STUM: variants seen among roughly 807,000 people sequenced by gnomAD.
STUM encodes the protein protein stum homolog.
STUM carries 8 observed loss-of-function variants against 15.3 expected under a neutral mutation model. The observed-to-expected ratio is 0.52, with a 90% CI of 0.31 to 0.94. STUM has a LOEUF of 0.94. Among genes scored for constraint, STUM ranks in the 40% least tolerant of loss-of-function variants. The probability of loss-of-function intolerance (pLI) is 0.05; values close to 1 mark genes in which losing one functional copy is unlikely to be tolerated. For synonymous variants in STUM, 78 were observed against 88.7 expected, an observed-to-expected ratio of 0.88 and a Z score of 0.68; for missense variants, 142 against 204.9, an observed-to-expected ratio of 0.69 and a Z score of 1.87.
At chr1:226,597,270 A>G (rs1432914959) in intron 2 of STUM, 3 of 595,618 alleles carry the variant, frequency 5.0e-6, no homozygotes, top group East Asian at 7.7e-5. Flanking sequence ...AAGGGTTTAA[A>G]GTTACAAAAT....
chr1:226,602,174 A>G lies in STUM; in HGVS notation c.*134A>G. On this transcript the variant is annotated 3_prime_UTR_variant, in exon 4 of 4. Coordinates refer to ENST00000366788, the MANE Select transcript of STUM (RefSeq NM_001003665.4). ...GGGTGGAAAGGGGGTATTTTTAAAA[A>G]TATTATTTATTTTGAAAACGCATCT... 5 of 663,294 alleles carry G rather than the reference A, an allele frequency of 7.5e-6. No individual in the cohort carries two copies. The South Asian group carries it at 9.2e-5, about 12-fold the overall frequency. The allele number at this position is 663,294 out of a possible 1,614,324, so 41.1% of individuals were successfully genotyped here.
At chr1:226,595,330 C>G (rs1668161307) in intron 1 of STUM, among the ~76,000 whole-genome samples, 1 of 152,144 alleles carries the variant, frequency 6.6e-6, no homozygotes, top group Admixed American at 6.5e-5. Flanking sequence ...ATGGCGCCCA[C>G]CTACACTGAG....
intron 1 of STUM, among the ~76,000 whole-genome samples, chr1:226,580,723 T>C (rs541103128): frequency 1.3e-5 from 2 of 152,248 alleles, no homozygotes; most frequent in African/African-American, 4.8e-5. Context: ...CTTTATCACA[T>C]TGACCAGCAA....
At chr1:226,570,985 C>A (rs1361848136) in intron 1 of STUM, among the ~76,000 whole-genome samples, 2 of 152,168 alleles carry the variant, frequency 1.3e-5, no homozygotes, top group African/African-American at 2.4e-5. Context: ...AATCTCAGCA[C>A]TTTTGGAGGC....
intron 1 of STUM, among the ~76,000 whole-genome samples, chr1:226,576,429 GGAGA>G (rs747887018): frequency 6.6e-6 from 1 of 152,206 alleles, no homozygotes; most frequent in Admixed American, 6.5e-5. Flanking sequence ...ATTCATTCGT[GGAGA>G]GATTACATGA....
At chr1:226,559,651 T>A (rs1329724544) in intron 1 of STUM, among the ~76,000 whole-genome samples, 2 of 152,148 alleles carry the variant, frequency 1.3e-5, no homozygotes. Context: ...TGAGATGTGT[T>A]TACATACTAC....
intron 1 of STUM, among the ~76,000 whole-genome samples, chr1:226,589,659 G>A (rs1668053817): frequency 6.6e-6 from 1 of 152,208 alleles, no homozygotes; most frequent in Non-Finnish European, 1.5e-5. Context: ...GATTTTGGTG[G>A]TTGACAATAC....
At chr1:226,573,180 C>T (rs555444376) in intron 1 of STUM, among the ~76,000 whole-genome samples, 4 of 152,344 alleles carry the variant, frequency 2.6e-5, no homozygotes, top group African/African-American at 4.8e-5. Context: ...AGTGGTGCAT[C>T]GGTCTGCCAT....
chr1:226,577,029 C>G (rs549524335), intron 1 of STUM, among the ~76,000 whole-genome samples: 1 of 152,218 alleles, frequency 6.6e-6, no homozygotes, highest in East Asian at 1.9e-4. Flanking sequence ...TACCCCTCTA[C>G]TGCTCACAGC....
intron 1 of STUM, among the ~76,000 whole-genome samples, chr1:226,560,353 G>A (rs1031714421): frequency 1.3e-5 from 2 of 152,304 alleles, no homozygotes; most frequent in Admixed American, 1.3e-4. Flanking sequence ...TTTTGCCGTT[G>A]CTGTCTCCAA....
In STUM at chr1:226,548,945, C is replaced by CGGCGGCGGT. The variant is rs965086579; in HGVS notation, c.50_58dup (p.Val17_Ala19dup). ...AAAGACGCCGAGACGGCGGCGGCGG[C>CGGCGGCGGT]GGCGGCGGTGGCGGCGGCGGACCCC... On this transcript the variant is annotated inframe_insertion, in exon 1 of 4. Transcript: ENST00000366788. The CGGCGGCGGT allele has an allele frequency of 8.2e-6, 12 of 1,456,746 alleles. No homozygotes were observed. Among genetic ancestry groups the CGGCGGCGGT allele is most frequent in the Non-Finnish European group, 9.9e-6 (11 of 1,109,604 alleles). The allele number at this position is 1,456,746 out of a possible 1,614,324, so 90.2% of individuals were successfully genotyped here.
In STUM at chr1:226,603,321, A is replaced by G. The variant is rs1270188744; in HGVS notation, c.*1281A>G. 1 of 152,208 alleles carries G rather than the reference A, an allele frequency of 6.6e-6. No individual in the cohort carries two copies. The highest frequency in any genetic ancestry group is 2.4e-5 in the African/African-American group (1 of 41,454). The allele number at this position is 152,208 out of a possible 1,614,324, so 9.4% of individuals were successfully genotyped here. A position where few individuals can be genotyped will look rare whatever the true frequency, so the allele number is the denominator to read the frequency against. ...CAGGGCTAGATCCCTAATGGGGGCTAGGGGTGGGGAGAATCTAGCAGAAGT... is the reference window on the plus strand; with the variant it reads ...CAGGGCTAGATCCCTAATGGGGGCTGGGGGTGGGGAGAATCTAGCAGAAGT... On this transcript the variant is annotated 3_prime_UTR_variant, in exon 4 of 4. Transcript: ENST00000366788.
chr1:226,568,439 A>G (rs1667655884), intron 1 of STUM, among the ~76,000 whole-genome samples: 1 of 152,232 alleles, frequency 6.6e-6, no homozygotes, highest in Non-Finnish European at 1.5e-5. Flanking sequence ...TGGCAGGGAC[A>G]GCTTCAGGAA....
At chr1:226,593,007 G>A (rs904902465) in intron 1 of STUM, among the ~76,000 whole-genome samples, 4 of 152,192 alleles carry the variant, frequency 2.6e-5, no homozygotes, top group Non-Finnish European at 5.9e-5. Context: ...CCAACATGGG[G>A]AAACCCCGTC....
chr1:226,601,907 A>G (rs373516968), intron 3 of STUM, 99 bp from the exon 4 acceptor site: 2 of 978,790 alleles, frequency 2.0e-6, no homozygotes, highest in Non-Finnish European at 1.6e-6. Context: ...CTTAGTATAA[A>G]CAATGCCTCC....
intron 1 of STUM, among the ~76,000 whole-genome samples, chr1:226,561,174 G>A (rs1284054109): frequency 1.3e-5 from 2 of 152,254 alleles, no homozygotes; most frequent in Admixed American, 6.5e-5. Context: ...TTCTTTGGTT[G>A]TCTTAATCCT....
chr1:226,596,846 G>C lies in STUM; in HGVS notation c.247G>C (p.Asp83His), dbSNP rs374465963. The change falls in exon 2 of 4, where the codon GAC (aspartate) becomes CAC (histidine). Residue 83 changes from aspartate (D) to histidine (H), a missense_variant. This residue lies in a region of STUM where 113 missense variants were observed against 134.4 expected (regional missense o/e 0.84). Coordinates refer to ENST00000366788, the MANE Select transcript of STUM (RefSeq NM_001003665.4). ...CACTGTGCTGTGCGGGGCCCGCACC[G>C]ACCTCCCGGACAGGCATGTGTGCTG... ...AFTVLCGART[D>H]LPDRHVCCVF... is the part of the protein sequence containing the mutation. 1 of 1,614,084 alleles carries C rather than the reference G, an allele frequency of 6.2e-7. No individual in the cohort carries two copies. The highest frequency in any genetic ancestry group is 2.2e-5 in the East Asian group (1 of 44,888).
At chr1:226,550,881 G>A (rs556184457) in intron 1 of STUM, among the ~76,000 whole-genome samples, 1 of 152,096 alleles carries the variant, frequency 6.6e-6, no homozygotes, top group Non-Finnish European at 1.5e-5. Flanking sequence ...CTTGCCCTGG[G>A]GATCCAGCTT....
chr1:226,600,730 C>T lies in STUM; in HGVS notation c.391+56C>T. ...TGCTGCTGCTTGGGGCCCTCCCCTC[C>T]CCCGAGACCCCCACTCCTGCACACA... is the stretch of plus-strand genomic sequence containing the variant. On this transcript the variant is annotated intron_variant, in intron 3 of 3. Coordinates refer to ENST00000366788, the MANE Select transcript of STUM (RefSeq NM_001003665.4). The surrounding 1 kb of genome is among the most constrained non-coding windows in gnomAD (Gnocchi z 5.2). 6.3e-7 allele frequency: 1 copy of T among 1,589,488 alleles called. No individual in the cohort carries two copies. Among genetic ancestry groups the T allele is most frequent in the Non-Finnish European group, 8.6e-7 (1 of 1,164,812 alleles).
Sources: allele counts gnomAD v4.1 joint callset (sites outside exome capture counted in the v4.1 genomes callset), GRCh38; gene constraint gnomAD v4.1.1; regional missense constraint gnomAD v4.1.1; non-coding constraint Gnocchi (gnomAD v3.1); transcripts MANE v1.5; gene names NCBI Gene and HGNC (gene_info 2026-07-23, HGNC 2026-07-21).